The following SH3D19 variants were observed in gnomAD, a reference collection of about 807,000 sequenced individuals.
SH3D19 encodes the protein SH3 domain-containing protein 19.
In SH3D19, 58 loss-of-function variants were observed where a neutral mutation model predicts 112.1. The observed-to-expected ratio is 0.52, with a 90% CI of 0.42 to 0.64. The LOEUF (loss-of-function observed/expected upper bound fraction) is 0.64. Ranked by LOEUF, SH3D19 falls within the 30% of genes least tolerant of loss-of-function variation. SH3D19 has a pLI of 0.00. For missense variants in SH3D19, 1,090 were observed against 1,263.4 expected (o/e 0.86, Z 2.08); for synonymous variants, 391 against 448.5 (o/e 0.87, Z 1.62).
chr4:151,255,528 T>C (rs1420925470), intron 1 of SH3D19, among the ~76,000 whole-genome samples: 1 of 149,568 alleles, frequency 6.7e-6, no homozygotes, highest in Middle Eastern at 3.5e-3. Context: ...GCGGAGACGC[T>C]CCTCACTTTC....
At chr4:151,310,086 A>G (rs1729294707) in intron 1 of SH3D19, among the ~76,000 whole-genome samples, 1 of 151,108 alleles carries the variant, frequency 6.6e-6, no homozygotes, top group African/African-American at 2.4e-5. Context: ...TCTCAAAAAG[A>G]AAGTCAGTTG....
intron 7 of SH3D19, among the ~76,000 whole-genome samples, chr4:151,174,104 C>T (rs11734586): frequency 0.85 from 129,165 of 152,198 alleles, 55,978 homozygotes; most frequent in Non-Finnish European, 0.95. Context: ...AAAGGAACAA[C>T]TTTGCAACAT....
intron 7 of SH3D19, among the ~76,000 whole-genome samples, chr4:151,167,589 G>A (rs970056978): frequency 6.6e-6 from 1 of 152,156 alleles, no homozygotes; most frequent in Non-Finnish European, 1.5e-5. Flanking sequence ...CTTTGTAGCA[G>A]TTTTGTTCAT....
At chr4:151,268,075 C>T (rs893989224) in intron 1 of SH3D19, among the ~76,000 whole-genome samples, 1 of 152,138 alleles carries the variant, frequency 6.6e-6, no homozygotes, top group African/African-American at 2.4e-5. Context: ...GTGTGAACAT[C>T]GTAGAGTGAA....
intron 2 of SH3D19, among the ~76,000 whole-genome samples, chr4:151,217,813 G>A (rs1164646343): frequency 3.9e-5 from 6 of 151,976 alleles, no homozygotes; most frequent in African/African-American, 1.2e-4. Flanking sequence ...AGGTTACACT[G>A]GAAAATTTTA....
intron 1 of SH3D19, among the ~76,000 whole-genome samples, chr4:151,308,028 C>T (rs1408151191): frequency 6.6e-6 from 1 of 152,176 alleles, no homozygotes; most frequent in African/African-American, 2.4e-5. Flanking sequence ...GCCTCAGCCT[C>T]CCGAATAGCT....
At chr4:151,125,074 T>TC (rs1748898482) in intron 19 of SH3D19, among the ~76,000 whole-genome samples, 1 of 151,182 alleles carries the variant, frequency 6.6e-6, no homozygotes, top group South Asian at 2.1e-4. Flanking sequence ...TTTCTTTCTT[T>TC]TTTAAATTTT....
intron 2 of SH3D19, among the ~76,000 whole-genome samples, chr4:151,209,569 T>C (rs1343356147): frequency 6.6e-6 from 1 of 152,214 alleles, no homozygotes; most frequent in Non-Finnish European, 1.5e-5. Context: ...CGTGAGCCAC[T>C]GCACCCAGCC....
intron 2 of SH3D19, among the ~76,000 whole-genome samples, chr4:151,206,947 C>T (rs1765208199): frequency 1.3e-5 from 2 of 152,200 alleles, no homozygotes; most frequent in South Asian, 4.1e-4. Flanking sequence ...CATCAGCATG[C>T]ATATCCTACC....
intron 1 of SH3D19, among the ~76,000 whole-genome samples, chr4:151,234,970 G>A (rs13103344): frequency 0.69 from 105,302 of 151,818 alleles, 41,737 homozygotes; most frequent in Non-Finnish European, 0.89. Context: ...GGCTGGTCTC[G>A]AACTCCTGGG....
chr4:151,171,960 T>A (rs1221032635), intron 7 of SH3D19, among the ~76,000 whole-genome samples: 1 of 152,238 alleles, frequency 6.6e-6, no homozygotes, highest in African/African-American at 2.4e-5. Flanking sequence ...TATTTAATAA[T>A]TTTTCTAATC....
chr4:151,191,945 CTT>C (rs774312602), intron 2 of SH3D19, among the ~76,000 whole-genome samples: 3,820 of 28,040 alleles, frequency 0.14, 215 homozygotes, highest in African/African-American at 0.21. Context: ...ACACCCAGCC[CTT>C]TTTTTTTTTT....
chr4:151,139,925 T>C (rs1752686493), intron 12 of SH3D19, 78 bp from the exon 13 acceptor site: 2 of 1,327,466 alleles, frequency 1.5e-6, no homozygotes, highest in African/African-American at 2.9e-5. Flanking sequence ...GACCAATTTT[T>C]TTTTTCTCAT....
intron 2 of SH3D19, among the ~76,000 whole-genome samples, chr4:151,191,103 G>C (rs1762551943): frequency 6.6e-6 from 1 of 152,218 alleles, no homozygotes; most frequent in Non-Finnish European, 1.5e-5. Context: ...CTGGATTTCA[G>C]ACTTGCATGG....
At chr4:151,262,390 T>C (rs1772444230) in intron 1 of SH3D19, 1 of 152,170 alleles carries the variant, frequency 6.6e-6, no homozygotes. Context: ...GTGACCACTA[T>C]CAAAATGAAA....
At chr4:151,220,365 A>G (rs1019281516) in intron 2 of SH3D19, among the ~76,000 whole-genome samples, 12 of 152,262 alleles carry the variant, frequency 7.9e-5, no homozygotes, top group Admixed American at 5.2e-4. Flanking sequence ...AGGGAGGCCA[A>G]GATTCAAATG....
chr4:151,319,215 A>T (rs1730306703), intron 1 of SH3D19, among the ~76,000 whole-genome samples: 1 of 152,050 alleles, frequency 6.6e-6, no homozygotes, highest in Non-Finnish European at 1.5e-5. Flanking sequence ...CATCTGGCTA[A>T]TTTTTTGTAT....
chr4:151,320,461 C>A (rs1231503913), intron 1 of SH3D19, among the ~76,000 whole-genome samples: 1 of 151,944 alleles, frequency 6.6e-6, no homozygotes, highest in African/African-American at 2.4e-5. Flanking sequence ...ATTTTCATGA[C>A]CTTGGATAGA....
At chr4:151,300,548 T>C (rs907918370) in intron 1 of SH3D19, 2 of 151,088 alleles carry the variant, frequency 1.3e-5, no homozygotes, top group South Asian at 2.1e-4. Context: ...TATACTAAAA[T>C]TGGAAAGATA....
Sources: allele counts gnomAD v4.1 joint callset (sites outside exome capture counted in the v4.1 genomes callset), GRCh38; gene constraint gnomAD v4.1.1; transcripts MANE v1.5; gene names NCBI Gene and HGNC (gene_info 2026-07-23, HGNC 2026-07-21).